THRAP3: variants seen among roughly 807,000 people sequenced by gnomAD.
THRAP3 encodes the protein thyroid hormone receptor associated protein 3.
A neutral mutation model predicts 101.0 loss-of-function variants in THRAP3; 16 were observed. The observed-to-expected ratio is 0.16, with a 90% confidence interval of 0.11 to 0.24. The LOEUF (loss-of-function observed/expected upper bound fraction) is 0.24, where lower values mean the gene tolerates loss of function less well. Ranked by LOEUF, THRAP3 falls within the 10% of genes least tolerant of loss-of-function variation. THRAP3 has a pLI of 1.00. For missense variants in THRAP3, 989 were observed against 1,202.7 expected (o/e 0.82, Z 2.63); for synonymous variants, 407 against 422.6 (o/e 0.96, Z 0.45).
chr1:36,278,463 T>A (rs1227238028), intron 2 of THRAP3, among the ~76,000 whole-genome samples: 4 of 152,172 alleles, frequency 2.6e-5, no homozygotes, highest in Non-Finnish European at 4.4e-5. Context: ...GGACCATTGA[T>A]CTGCTTGGTA....
chr1:36,278,848 A>C (rs536537131), intron 2 of THRAP3, among the ~76,000 whole-genome samples: 1 of 152,078 alleles, frequency 6.6e-6, no homozygotes, highest in Non-Finnish European at 1.5e-5. Context: ...ACTTGAACCC[A>C]GGTGGCAGAG....
intron 1 of THRAP3, among the ~76,000 whole-genome samples, chr1:36,239,556 C>T (rs1427240506): frequency 6.6e-6 from 1 of 152,218 alleles, no homozygotes; most frequent in African/African-American, 2.4e-5. Flanking sequence ...CATGAGCCAC[C>T]TTACCTGGCC....
chr1:36,239,794 A>G (rs1645133606), intron 1 of THRAP3, among the ~76,000 whole-genome samples: 1 of 152,200 alleles, frequency 6.6e-6, no homozygotes, highest in Admixed American at 6.5e-5. Context: ...ATTTGTTAGC[A>G]TTTGCTTAAT....
At chr1:36,267,552 C>G (rs1253986664) in intron 2 of THRAP3, among the ~76,000 whole-genome samples, 1 of 152,168 alleles carries the variant, frequency 6.6e-6, no homozygotes, top group African/African-American at 2.4e-5. Flanking sequence ...AGCTTCTTAC[C>G]TACTAGTGTA....
intron 1 of THRAP3, among the ~76,000 whole-genome samples, chr1:36,240,844 A>G (rs940903095): frequency 2.6e-5 from 4 of 152,184 alleles, no homozygotes; most frequent in African/African-American, 9.7e-5. Flanking sequence ...ACTTTAAACA[A>G]TTTTGGCTGC....
At chr1:36,277,446 C>T (rs975152118) in intron 2 of THRAP3, among the ~76,000 whole-genome samples, 4 of 151,458 alleles carry the variant, frequency 2.6e-5, no homozygotes, top group Non-Finnish European at 5.9e-5. Context: ...GTGATCCACC[C>T]ACTTCAGTCT....
At chr1:36,294,168 A>AG in intron 8 of THRAP3, 2 of 1,264,758 alleles carry the variant, frequency 1.6e-6, no homozygotes, top group Non-Finnish European at 1.0e-6. Flanking sequence ...GGTGAGCTTG[A>AG]GAAAAAAAAG....
In THRAP3 at chr1:36,229,978, A is replaced by G. The variant is rs568152761; in HGVS notation, c.-135+5473A>G. 1.7e-3 allele frequency among the ~76,000 whole-genome samples: 179 copies of G among 103,384 alleles called. 1 individual carries two copies. The highest frequency in any genetic ancestry group is 6.6e-3 in the African/African-American group (174 of 26,248). 67.8% of individuals were successfully genotyped at this position (103,384 alleles called of 152,430 possible). On this transcript the variant is annotated intron_variant, in intron 1 of 11. Coordinates refer to ENST00000354618, the MANE Select transcript of THRAP3 (RefSeq NM_005119.4). Reference sequence around the variant, plus strand: ...TTTTTTTTTTTTTTTTTTTTGAGACAGAGTCTGTCTCTATTGCCTAGGCTG... The same window carrying G: ...TTTTTTTTTTTTTTTTTTTTGAGACGGAGTCTGTCTCTATTGCCTAGGCTG...
chr1:36,265,498 A>ATTTTTTTT, intron 2 of THRAP3, among the ~76,000 whole-genome samples: 1 of 139,236 alleles, frequency 7.2e-6, no homozygotes, highest in Non-Finnish European at 1.5e-5. Flanking sequence ...TCTAGTGCAC[A>ATTTTTTTT]TGGCATGCAT....
intron 8 of THRAP3, chr1:36,294,308 G>A (rs1395360723): frequency 8.3e-6 from 7 of 845,270 alleles, no homozygotes; most frequent in East Asian, 9.8e-5. Context: ...AGACATGCAT[G>A]TCAGAGAAGA....
At chr1:36,276,847 A>C (rs982359747) in intron 2 of THRAP3, among the ~76,000 whole-genome samples, 2 of 152,014 alleles carry the variant, frequency 1.3e-5, no homozygotes, top group Non-Finnish European at 2.9e-5. Flanking sequence ...ATAGAGGGAG[A>C]CTCCATCTCA....
intron 4 of THRAP3, 82 bp downstream of exon 4, chr1:36,287,352 C>A: frequency 6.9e-7 from 1 of 1,446,810 alleles, no homozygotes; most frequent in Non-Finnish European, 9.2e-7. Context: ...TAAGTTAGAG[C>A]TCTGATTAAT....
At position 36,296,628 on chromosome 1, in the gene THRAP3, A is replaced by G. The variant is rs1420875598; in HGVS notation, c.2161A>G (p.Ile721Val). ...KDDPVDLRLD[I>V]ERRKKHKERD... ...TGATCCTGTTGATCTCCGCCTTGAT[A>G]TTGAACGTCGTAAAAAACATAAGGA... The change falls in exon 9 of 12, where the codon ATT becomes GTT. Residue 721 changes from isoleucine to valine, a missense_variant. Coordinates refer to ENST00000354618, the MANE Select transcript of THRAP3 (RefSeq NM_005119.4). The G allele has an allele frequency of 1.9e-6, 3 of 1,596,158 alleles. No homozygotes were observed. The highest frequency in any genetic ancestry group is 1.7e-6 in the Non-Finnish European group (2 of 1,175,520).
At chr1:36,252,431 A>AT (rs1645314504) in intron 1 of THRAP3, among the ~76,000 whole-genome samples, 1 of 152,096 alleles carries the variant, frequency 6.6e-6, no homozygotes, top group Non-Finnish European at 1.5e-5. Context: ...GCCAAGGTTG[A>AT]TTCTTAGTGG....
chr1:36,216,943 T>C, the THRAP3 span, among the ~76,000 whole-genome samples: 2 of 152,206 alleles, frequency 1.3e-5, no homozygotes, highest in African/African-American at 4.8e-5. Flanking sequence ...CATCCATTAG[T>C]AATTAATTAT....
intron 1 of THRAP3, among the ~76,000 whole-genome samples, chr1:36,245,864 G>T (rs747770385): frequency 6.6e-6 from 1 of 152,020 alleles, no homozygotes; most frequent in Admixed American, 6.6e-5. Context: ...CCAAAATCAC[G>T]TATTTTTCAG....
intron 2 of THRAP3, among the ~76,000 whole-genome samples, chr1:36,281,441 C>G (rs1415470112): frequency 6.6e-6 from 1 of 152,194 alleles, no homozygotes; most frequent in African/African-American, 2.4e-5. Flanking sequence ...TTGGTCATCT[C>G]TTACAGTATT....
chr1:36,210,709 A>ATATATATATATAT, the THRAP3 span, among the ~76,000 whole-genome samples: 1 of 8,700 alleles, frequency 1.1e-4, no homozygotes, highest in East Asian at 6.3e-3. Context: ...AAAAGTATAT[A>ATATATATATATAT]TATATATATA....
At chr1:36,243,509 T>G (rs4653169) in intron 1 of THRAP3, among the ~76,000 whole-genome samples, 2 of 151,840 alleles carry the variant, frequency 1.3e-5, no homozygotes, top group Non-Finnish European at 1.5e-5. Context: ...AGCACAGGGT[T>G]GGGGGCAAGG....
Sources: gnomAD v4.1 joint callset for allele counts (sites outside exome capture counted in the v4.1 genomes callset) on GRCh38, gnomAD v4.1.1 for gene constraint, MANE v1.5 for transcripts, NCBI Gene and HGNC (gene_info 2026-07-23, HGNC 2026-07-21) for gene names.